The following TMEM135 variants were observed in gnomAD, a reference collection of about 807,000 sequenced individuals.
TMEM135 encodes the protein transmembrane protein 135.
In TMEM135, 30 loss-of-function variants were observed where a neutral mutation model predicts 60.3. That is an observed-to-expected ratio of 0.50 (90% CI 0.37 to 0.68). TMEM135 has a LOEUF of 0.68. Among genes scored for constraint, TMEM135 ranks in the 30% least tolerant of loss-of-function variants. TMEM135 has a pLI of 0.00. For synonymous variants in TMEM135, 190 were observed against 186.7 expected (o/e 1.02, Z -0.14); for missense variants, 468 against 548.8 (o/e 0.85, Z 1.47).
Position 87,222,922 on chromosome 11 carries a change from G to A in TMEM135, c.463-13716G>A, listed in dbSNP as rs563113966. On this transcript the variant is annotated intron_variant, in intron 5 of 14. Coordinates refer to ENST00000305494, the MANE Select transcript of TMEM135 (RefSeq NM_022918.4). ...ATTTTGCAAAACTCTATTCAACATCGTTACATCTTGTAGTGATAGACTGGA... is the reference window on the plus strand; with the variant it reads ...ATTTTGCAAAACTCTATTCAACATCATTACATCTTGTAGTGATAGACTGGA... Among the ~76,000 whole-genome samples the A allele has an allele frequency of 3.9e-5, 6 of 152,152 alleles. No homozygotes were observed. In the East Asian group the frequency reaches 7.7e-4, roughly 20 times the overall value.
chr11:87,326,955 G>C lies in TMEM135; in HGVS notation c.*5622G>C. 2.2e-6 allele frequency: 1 copy of C among 446,392 alleles called. No homozygotes were observed. The highest frequency in any genetic ancestry group is 4.4e-6 in the Non-Finnish European group (1 of 224,726). 27.7% of individuals were successfully genotyped at this position (446,392 alleles called of 1,614,324 possible). A position where few individuals can be genotyped will look rare whatever the true frequency, so the allele number is the denominator to read the frequency against. On this transcript the variant is annotated 3_prime_UTR_variant, in exon 15 of 15. Coordinates refer to ENST00000305494, the MANE Select transcript of TMEM135 (RefSeq NM_022918.4). ...TCACTAAAACGCTTCCTATAACTTG[G>C]ATTAAAATTCAAAAATGGGATTGCA...
intron 5 of TMEM135, among the ~76,000 whole-genome samples, chr11:87,191,685 G>C (rs1939802199): frequency 6.6e-6 from 1 of 152,116 alleles, no homozygotes; most frequent in South Asian, 2.1e-4. Context: ...AGCATTTCCT[G>C]TTAGAGTCTA....
At position 87,200,452 on chromosome 11, in the gene TMEM135, T is replaced by A. The variant is rs138714315; in HGVS notation, c.463-36186T>A. Among the ~76,000 whole-genome samples the A allele has an allele frequency of 4.2e-3, 642 of 152,256 alleles. 2 individuals carry two copies. Among genetic ancestry groups the A allele is most frequent in the Middle Eastern group, 0.02 (6 of 294 alleles). Reference sequence around the variant, plus strand: ...TTACAGACCTTATTTTTAGAGAAGTTTTAGGTACACAGCAAAATTAGGTGG... The same window carrying A: ...TTACAGACCTTATTTTTAGAGAAGTATTAGGTACACAGCAAAATTAGGTGG... On this transcript the variant is annotated intron_variant, in intron 5 of 14. Coordinates refer to ENST00000305494, the MANE Select transcript of TMEM135 (RefSeq NM_022918.4).
intron 6 of TMEM135, among the ~76,000 whole-genome samples, chr11:87,264,745 T>C (rs549130725): frequency 2.0e-5 from 3 of 152,060 alleles, no homozygotes; most frequent in African/African-American, 7.2e-5. Context: ...TAGGTTAATT[T>C]TATCAATAAA....
chr11:87,158,783 A>G (rs1425245807), intron 5 of TMEM135, among the ~76,000 whole-genome samples: 4 of 152,162 alleles, frequency 2.6e-5, no homozygotes, highest in Non-Finnish European at 4.4e-5. Context: ...TATAATTTAT[A>G]AAGTATATTT....
chr11:87,113,349 A>G (rs1857801268), intron 4 of TMEM135, among the ~76,000 whole-genome samples: 1 of 152,064 alleles, frequency 6.6e-6, no homozygotes, highest in African/African-American at 2.4e-5. Flanking sequence ...TCTAAAATGC[A>G]CCTTGACAAT....
chr11:87,209,685 T>C (rs1411703663), intron 5 of TMEM135, among the ~76,000 whole-genome samples: 1 of 152,068 alleles, frequency 6.6e-6, no homozygotes, highest in Non-Finnish European at 1.5e-5. Flanking sequence ...CGACCAGTTG[T>C]ACCCCATAGA....
intron 10 of TMEM135, among the ~76,000 whole-genome samples, chr11:87,311,441 A>T (rs185560571): frequency 7.9e-5 from 12 of 152,194 alleles, no homozygotes; most frequent in African/African-American, 2.9e-4. Context: ...TTCACATTTA[A>T]AAAAATTTCT....
At chr11:87,043,812 A>T (rs1949771985) in intron 1 of TMEM135, among the ~76,000 whole-genome samples, 1 of 152,062 alleles carries the variant, frequency 6.6e-6, no homozygotes, top group Non-Finnish European at 1.5e-5. Flanking sequence ...TTTTTGTGGC[A>T]AATTTAGAAT....
intron 6 of TMEM135, among the ~76,000 whole-genome samples, chr11:87,286,345 C>T (rs1942164965): frequency 6.6e-6 from 1 of 152,046 alleles, no homozygotes; most frequent in Non-Finnish European, 1.5e-5. Context: ...CTGATTGGTG[C>T]ATCCATGAAC....
At chr11:87,085,349 A>G (rs1857073497) in intron 3 of TMEM135, among the ~76,000 whole-genome samples, 1 of 152,230 alleles carries the variant, frequency 6.6e-6, no homozygotes, top group Admixed American at 6.5e-5. Flanking sequence ...TCTAATAGCA[A>G]TACATTCTCT....
In TMEM135 at chr11:87,166,185, G is replaced by C. The variant is rs889078189; in HGVS notation, c.462+8779G>C. Among the ~76,000 whole-genome samples the C allele has an allele frequency of 2.6e-5, 4 of 151,566 alleles. No individual in the cohort carries two copies. The South Asian group carries it at 8.3e-4, about 31-fold the overall frequency. ...TGATGGGGCTGTTTGTTTTTTTCTTGTAAATTTATTTAAGTATTAGCCCCT... is the reference window on the plus strand; with the variant it reads ...TGATGGGGCTGTTTGTTTTTTTCTTCTAAATTTATTTAAGTATTAGCCCCT... On this transcript the variant is annotated intron_variant, in intron 5 of 14. Coordinates refer to ENST00000305494, the MANE Select transcript of TMEM135 (RefSeq NM_022918.4).
At chr11:87,138,088 C>T (rs377243874) in intron 4 of TMEM135, among the ~76,000 whole-genome samples, 47 of 137,912 alleles carry the variant, frequency 3.4e-4, no homozygotes, top group Middle Eastern at 3.8e-3. Context: ...AAGTTGATTT[C>T]TTTTTTTTTT....
intron 5 of TMEM135, among the ~76,000 whole-genome samples, chr11:87,225,842 A>G (rs1414626307): frequency 6.6e-6 from 1 of 152,132 alleles, no homozygotes; most frequent in Non-Finnish European, 1.5e-5. Context: ...TTTTGAGTCC[A>G]ATTGCCTTAT....
At chr11:87,075,277 G>T (rs1329711433) in intron 3 of TMEM135, among the ~76,000 whole-genome samples, 3 of 151,428 alleles carry the variant, frequency 2.0e-5, no homozygotes, top group African/African-American at 7.3e-5. Context: ...TCTTGCCTCA[G>T]CCTGCCGAGT....
chr11:87,097,783 T>A (rs1171692491), intron 4 of TMEM135, among the ~76,000 whole-genome samples: 7 of 152,252 alleles, frequency 4.6e-5, no homozygotes, highest in Admixed American at 2.0e-4. Context: ...GCTAGATATC[T>A]GCATGGCTTG....
In TMEM135 at chr11:87,066,779, C is replaced by CTTTTTTTT. The variant is rs201355341; in HGVS notation, c.142-912_142-911insTTTTTTTT. ...TACATACTTGTGTTGTTACTAGATT[C>CTTTTTTTT]TTTCTTTTTTTTTTTTTTTTGAGAC... On this transcript the variant is annotated intron_variant, in intron 1 of 14. Coordinates refer to ENST00000305494, the MANE Select transcript of TMEM135 (RefSeq NM_022918.4). 5.4e-5 allele frequency among the ~76,000 whole-genome samples: 7 copies of CTTTTTTTT among 129,178 alleles called. 2 individuals are homozygous for CTTTTTTTT. Among genetic ancestry groups the CTTTTTTTT allele is most frequent in the African/African-American group, 1.5e-4 (5 of 33,684 alleles). 84.7% of individuals were successfully genotyped at this position (129,178 alleles called of 152,430 possible). A position where few individuals can be genotyped will look rare whatever the true frequency, so the allele number is the denominator to read the frequency against.
chr11:87,174,897 C>G (rs1043151594), intron 5 of TMEM135, among the ~76,000 whole-genome samples: 1 of 152,122 alleles, frequency 6.6e-6, no homozygotes, highest in Admixed American at 6.6e-5. Flanking sequence ...ACAGAGACAT[C>G]CCAATCCTAT....
At chr11:87,301,668 G>C (rs970988956) in intron 7 of TMEM135, among the ~76,000 whole-genome samples, 10 of 152,054 alleles carry the variant, frequency 6.6e-5, no homozygotes, top group African/African-American at 2.4e-4. Flanking sequence ...TCTTTATAAG[G>C]GCAATGACTC....
Sources: gnomAD v4.1 joint callset for allele counts (sites outside exome capture counted in the v4.1 genomes callset) on GRCh38, gnomAD v4.1.1 for gene constraint, MANE v1.5 for transcripts, NCBI Gene and HGNC (gene_info 2026-07-23, HGNC 2026-07-21) for gene names.